RNASET2: variants seen among roughly 807,000 people sequenced by gnomAD.
The protein encoded by RNASET2 is ribonuclease 6.
RNASET2 carries 28 observed loss-of-function variants against 33.9 expected under a neutral mutation model. The observed-to-expected ratio is 0.83, with a 90% CI of 0.61 to 1.13. The LOEUF (loss-of-function observed/expected upper bound fraction) is 1.13, where lower values mean the gene tolerates loss of function less well. Ranked by LOEUF, RNASET2 falls within the 50% of genes most tolerant of loss-of-function variation. The pLI, the probability that RNASET2 is intolerant of heterozygous loss-of-function variation, is 0.00. For synonymous variants in RNASET2, 123 were observed against 121.0 expected (o/e 1.02, Z -0.11); for missense variants, 330 against 319.9 (o/e 1.03, Z -0.24).
In RNASET2 at chr6:166,922,263, T is replaced by A. The variant is rs919785204; in HGVS notation, c.*7325A>T. 6.6e-6 allele frequency among the ~76,000 whole-genome samples: 1 copy of A among 152,258 alleles called. No homozygotes were observed. The highest frequency in any genetic ancestry group is 1.5e-5 in the Non-Finnish European group (1 of 68,048). On this transcript the variant is annotated 3_prime_UTR_variant, in exon 9 of 9. Transcript: ENST00000508775. ...ATAAATGTGATTATGGATTACTCAC[T>A]GACACACTCAAAAAGCGCGGTGATC...
intron 4 of RNASET2, 52 bp from the exon 5 acceptor site, chr6:166,943,141 A>G: frequency 7.5e-7 from 1 of 1,342,086 alleles, no homozygotes; most frequent in Admixed American, 1.9e-5. Context: ...TAATAAACTC[A>G]AAACCTAGAA....
intron 5 of RNASET2, among the ~76,000 whole-genome samples, chr6:166,939,929 C>T (rs576567612): frequency 6.6e-6 from 1 of 152,322 alleles, no homozygotes; most frequent in African/African-American, 2.4e-5. Flanking sequence ...TCACGTTCTT[C>T]GTTTGGTTCT....
chr6:166,946,345 G>A (rs2128646319), intron 4 of RNASET2, among the ~76,000 whole-genome samples: 1 of 150,172 alleles, frequency 6.7e-6, no homozygotes, highest in South Asian at 2.1e-4. Flanking sequence ...GAAGTCCTGG[G>A]GCCTGGGACG....
At chr6:166,934,797 A>G (rs1050168443) in intron 6 of RNASET2, 1 of 152,818 alleles carries the variant, frequency 6.5e-6, no homozygotes, top group African/African-American at 2.4e-5. Context: ...AGATGTTCAC[A>G]TGACAATTTT....
chr6:166,949,199 CAAAA>C (rs1169530046), intron 2 of RNASET2, among the ~76,000 whole-genome samples: 1 of 52,326 alleles, frequency 1.9e-5, no homozygotes, highest in East Asian at 5.1e-4. Flanking sequence ...ACCGTGTCTC[CAAAA>C]AAAAAAAAAA....
rs890558399 is a variant in RNASET2 at position 166,925,869 on chromosome 6, A to G, written c.*3719T>C. On this transcript the variant is annotated 3_prime_UTR_variant, in exon 9 of 9. Coordinates refer to ENST00000508775, the MANE Select transcript of RNASET2 (RefSeq NM_003730.6). ...CAAGGAAGTGCTAAGCAGAGCCCTC[A>G]TGGGCTGTGGGGAGTGGGTGGAGGC... Among the ~76,000 whole-genome samples, 1 of 152,180 alleles carries G rather than the reference A, an allele frequency of 6.6e-6. No homozygotes were observed. Among genetic ancestry groups the G allele is most frequent in the Non-Finnish European group, 1.5e-5 (1 of 68,008 alleles).
At chr6:166,934,041 G>A (rs1210876204) in intron 7 of RNASET2, 50 bp downstream of exon 7, 1 of 1,428,674 alleles carries the variant, frequency 7.0e-7, no homozygotes, top group East Asian at 2.3e-5. Context: ...CGGCCCTACT[G>A]GAGGTCCCCG....
At position 166,925,534 on chromosome 6, in the gene RNASET2, C is replaced by G. The variant is rs954935848; in HGVS notation, c.*4054G>C. Among the ~76,000 whole-genome samples the G allele has an allele frequency of 2.0e-5, 3 of 151,898 alleles. No homozygotes were observed. The highest frequency in any genetic ancestry group is 3.9e-4 in the East Asian group (2 of 5,158). On this transcript the variant is annotated 3_prime_UTR_variant, in exon 9 of 9. Transcript: ENST00000508775. ...TCCCCGGTCCAGCCCTTGCCTCCCC[C>G]GTCCAGCCCTCACCTCCATCATGCA...
chr6:166,943,087 A>C lies in RNASET2; in HGVS notation c.264T>G (p.Asp88Glu). The change falls in exon 5 of 9, where the codon GAT (aspartate) becomes GAG (glutamate). Residue 88 changes from aspartate to glutamate, a missense_variant and splice_region_variant. Physicochemically the swap from Asp to Glu is conservative, Grantham distance 45. Transcript: ENST00000508775. ...AGTATGCCCTCATTTCTGGCAAAAG[A>C]TCCTATGCATTAAAAAATAAAATAA... ...SWPFNLEEIK[D>E]LLPEMRAYWP... The C allele has an allele frequency of 1.2e-6, 2 of 1,611,674 alleles. No homozygotes were observed. The highest frequency in any genetic ancestry group is 1.7e-6 in the Non-Finnish European group (2 of 1,178,252).
chr6:166,955,317 GCACA>G lies in RNASET2; in HGVS notation c.86+776_86+779del, dbSNP rs1241137068. ...ACAGACGCGCACACACGACACACAC[GCACA>G]CACACGCACGCACGCACACGCACAC... On this transcript the variant is annotated intron_variant, in intron 1 of 8. Coordinates refer to ENST00000508775, the MANE Select transcript of RNASET2 (RefSeq NM_003730.6). 8.6e-3 allele frequency among the ~76,000 whole-genome samples: 398 copies of G among 46,208 alleles called. 2 individuals carry two copies. The highest frequency in any genetic ancestry group is 0.039 in the African/African-American group (357 of 9,044). 30.3% of individuals were successfully genotyped at this position (46,208 alleles called of 152,430 possible). A position where few individuals can be genotyped will look rare whatever the true frequency, so the allele number is the denominator to read the frequency against.
At chr6:166,950,392 C>T (rs1390051196) in intron 2 of RNASET2, among the ~76,000 whole-genome samples, 2 of 152,190 alleles carry the variant, frequency 1.3e-5, no homozygotes, top group Non-Finnish European at 2.9e-5. Flanking sequence ...AAACTGAAAA[C>T]GGGGCAATCT....
rs112673903 is a variant in RNASET2, at chr6:166,926,492, C to T, written c.*3096G>A. ...GAGGTTGCAGTGAGCCGAGATCGCA[C>T]CACTGCACTCCAGCCTGGGCGACAG... On this transcript the variant is annotated 3_prime_UTR_variant, in exon 9 of 9. Coordinates refer to ENST00000508775, the MANE Select transcript of RNASET2 (RefSeq NM_003730.6). Among the ~76,000 whole-genome samples the T allele has an allele frequency of 6.6e-6, 1 of 150,576 alleles. No homozygotes were observed. The highest frequency in any genetic ancestry group is 2.4e-5 in the African/African-American group (1 of 40,936).
intron 4 of RNASET2, chr6:166,943,626 G>C (rs1333212227): frequency 5.4e-6 from 2 of 371,736 alleles, no homozygotes; most frequent in South Asian, 2.1e-5. Flanking sequence ...TTGCTCTCCT[G>C]CATTTGTCCA....
At position 166,922,930 on chromosome 6, in the gene RNASET2, C is replaced by G. The variant is rs539464897; in HGVS notation, c.*6658G>C. Reference sequence around the variant, plus strand: ...AAATGGGCCACTGTCACTCTGCAGACTTTTCTCAGTGTTAAAAGCGGGTAG... The same window carrying G: ...AAATGGGCCACTGTCACTCTGCAGAGTTTTCTCAGTGTTAAAAGCGGGTAG... On this transcript the variant is annotated 3_prime_UTR_variant, in exon 9 of 9. Transcript: ENST00000508775. 2.9e-3 allele frequency among the ~76,000 whole-genome samples: 441 copies of G among 152,308 alleles called. 1 individual carries two copies. Among genetic ancestry groups the G allele is most frequent in the Non-Finnish European group, 4.5e-3 (303 of 68,030 alleles).
chr6:166,942,976 G>A (rs751266623), intron 5 of RNASET2, 43 bp downstream of exon 5: 16 of 1,530,492 alleles, frequency 1.0e-5, no homozygotes, highest in African/African-American at 2.7e-5. Flanking sequence ...CCCCACACCC[G>A]CTCAGACAGT....
chr6:166,956,052 G>A (rs13198107), intron 1 of RNASET2, 45 bp downstream of exon 1: 59,579 of 1,526,184 alleles, frequency 0.039, 1,350 homozygotes, highest in Non-Finnish European at 0.046. Flanking sequence ...AAAGCTCTAG[G>A]GCCCGGCTCC....
intron 7 of RNASET2, 24 bp downstream of exon 7, chr6:166,934,066 GA>G: frequency 6.3e-7 from 1 of 1,593,960 alleles, no homozygotes; most frequent in Non-Finnish European, 8.6e-7. Flanking sequence ...AGACACACGA[GA>G]AAAGAAGCAA....
chr6:166,931,126 T>C lies in RNASET2; in HGVS notation c.493-8A>G, dbSNP rs756374141. 6.4e-7 allele frequency: 1 copy of C among 1,569,066 alleles called. No homozygotes were observed. The highest frequency in any genetic ancestry group is 8.8e-7 in the Non-Finnish European group (1 of 1,139,068). ...ATCTTTAAAATCTGCAACCTGATTT[T>C]AAATACAAGTGTATTAGAAATTAAA... On this transcript the variant is annotated splice_polypyrimidine_tract_variant and splice_region_variant and intron_variant, in intron 7 of 8. Transcript: ENST00000508775.
At chr6:166,939,619 C>T (rs1010961145) in intron 5 of RNASET2, among the ~76,000 whole-genome samples, 12 of 152,212 alleles carry the variant, frequency 7.9e-5, no homozygotes, top group African/African-American at 2.9e-4. Context: ...TGGTCTCCTG[C>T]AGTGAGTGGG....
Sources: gnomAD v4.1 joint callset for allele counts (sites outside exome capture counted in the v4.1 genomes callset) on GRCh38, gnomAD v4.1.1 for gene constraint, MANE v1.5 for transcripts, NCBI Gene and HGNC (gene_info 2026-07-23, HGNC 2026-07-21) for gene names.